Variants in BICRAL observed in about 807,000 individuals in gnomAD.
BICRAL encodes BRD4-interacting chromatin-remodeling complex-associated protein-like.
In BICRAL, 8 loss-of-function variants were observed where a neutral mutation model predicts 91.8. That is an observed-to-expected ratio of 0.09 (90% CI 0.05 to 0.16). BICRAL has a LOEUF of 0.16. Among genes scored for constraint, BICRAL ranks in the 10% least tolerant of loss-of-function variants. BICRAL has a pLI of 1.00. For synonymous variants in BICRAL, 445 were observed against 491.1 expected (o/e 0.91, Z 1.24); for missense variants, 1,038 against 1,310.9 (o/e 0.79, Z 3.21).
intron 6 of BICRAL, among the ~76,000 whole-genome samples, chr6:42,845,916 A>G (rs1764994292): frequency 6.6e-6 from 1 of 151,326 alleles, no homozygotes; most frequent in East Asian, 1.9e-4. Flanking sequence ...ACAAAAAAAA[A>G]AAAAATTAGC....
rs201548355 is a variant in BICRAL, at chr6:42,864,877, G to A, written c.2671G>A (p.Gly891Arg). 6.2e-6 allele frequency: 10 copies of A among 1,614,098 alleles called. No homozygotes were observed. Reference protein sequence around the residue: ...VPNHIVVSAEGNISKKTECLG... With the variant: ...VPNHIVVSAERNISKKTECLG... ...TAATCACATCGTGGTCTCTGCAGAAGGAAACATTTCTAAAAAAACAGAATG... is the reference window on the plus strand; with the variant it reads ...TAATCACATCGTGGTCTCTGCAGAAAGAAACATTTCTAAAAAAACAGAATG... Residue 891 changes from glycine to arginine, a missense_variant, in exon 13 of 13, where the codon GGA (glycine) becomes AGA (arginine). Gly to Arg is a moderately radical substitution (Grantham distance 125, BLOSUM62 -2). Transcript: ENST00000314073.
intron 1 of BICRAL, among the ~76,000 whole-genome samples, chr6:42,771,009 T>C (rs1387507026): frequency 1.3e-5 from 2 of 152,168 alleles, no homozygotes; most frequent in Admixed American, 1.3e-4. Flanking sequence ...GATTGCCTAC[T>C]CTGTCCTCCG....
rs116137904 is a variant in BICRAL, at chr6:42,793,724, G to A, written c.-102+11623G>A. Among the ~76,000 whole-genome samples, 909 of 143,772 alleles carry A rather than the reference G, an allele frequency of 6.3e-3. 10 individuals are homozygous for A. Among genetic ancestry groups the A allele is most frequent in the African/African-American group, 0.022 (878 of 39,232 alleles). The allele number at this position is 143,772 out of a possible 152,430, so 94.3% of individuals were successfully genotyped here. ...CAACATGAAGGTTTACAACTGGGAT[G>A]TTTTTGGCGCTACTTCTATGCGTAG... On this transcript the variant is annotated intron_variant, in intron 1 of 12. Coordinates refer to ENST00000314073, the MANE Select transcript of BICRAL (RefSeq NM_001393499.1).
At chr6:42,758,498 G>T (rs1762493239) in intron 1 of BICRAL, among the ~76,000 whole-genome samples, 1 of 152,196 alleles carries the variant, frequency 6.6e-6, no homozygotes, top group East Asian at 1.9e-4. Flanking sequence ...CACTTTGCCA[G>T]ATGGTGCAGG....
intron 1 of BICRAL, among the ~76,000 whole-genome samples, chr6:42,759,370 CTG>C (rs929097459): frequency 6.6e-6 from 1 of 152,120 alleles, no homozygotes; most frequent in African/African-American, 2.4e-5. Flanking sequence ...TCTGGATGCT[CTG>C]TGTGAAGTGG....
chr6:42,828,559 C>A lies in BICRAL; in HGVS notation c.226C>A (p.Leu76Met). ...NQLGEGPSDG[L>M]PLSSSLQFLE... ...GCTTGGAGAAGGGCCCAGTGATGGA[C>A]TGCCACTTTCAAGTAGCCTCCAGTT... Residue 76 changes from leucine to methionine, a missense_variant, in exon 6 of 13, where the codon CTG (leucine) becomes ATG (methionine). Leu to Met is a conservative substitution (Grantham distance 15, BLOSUM62 2). This residue lies in a region of BICRAL where 115 missense variants were observed against 121.5 expected (regional missense o/e 0.95). Coordinates refer to ENST00000314073, the MANE Select transcript of BICRAL (RefSeq NM_001393499.1). The A allele has an allele frequency of 6.2e-7, 1 of 1,613,916 alleles. No homozygotes were observed. Among genetic ancestry groups the A allele is most frequent in the Non-Finnish European group, 8.5e-7 (1 of 1,179,834 alleles).
chr6:42,759,167 A>G (rs918808952), intron 1 of BICRAL, among the ~76,000 whole-genome samples: 2 of 152,320 alleles, frequency 1.3e-5, no homozygotes, highest in Non-Finnish European at 2.9e-5. Context: ...GAACTGAAGC[A>G]CTTCAAAGCT....
rs748804344 is a variant in BICRAL, at chr6:42,845,195, GTTTTTTTTTTTTTTTTTTTTTTTTTTTTT to G, written c.1840-6872_1840-6844del. Among the ~76,000 whole-genome samples the G allele has an allele frequency of 3.2e-3, 83 of 25,614 alleles. 2 individuals are homozygous for G. Among genetic ancestry groups the G allele is most frequent in the Admixed American group, 8.0e-3 (12 of 1,492 alleles). The allele number at this position is 25,614 out of a possible 152,430, so 16.8% of individuals were successfully genotyped here. A position where few individuals can be genotyped will look rare whatever the true frequency, so the allele number is the denominator to read the frequency against. On this transcript the variant is annotated intron_variant, in intron 6 of 12. Coordinates refer to ENST00000314073, the MANE Select transcript of BICRAL (RefSeq NM_001393499.1). ...CTTCTCTGTTTTTTGTTTTTTGGGTGTTTTTTTTTTTTTTTTTTTTTTTTTTTTTTTTTTTTTTTTTTTTTTTTTTTTTA... is the reference window on the plus strand; with the variant it reads ...CTTCTCTGTTTTTTGTTTTTTGGGTGTTTTTTTTTTTTTTTTTTTTTTTTA...
At chr6:42,833,451 T>C (rs947315365) in intron 6 of BICRAL, among the ~76,000 whole-genome samples, 5 of 152,028 alleles carry the variant, frequency 3.3e-5, no homozygotes, top group African/African-American at 1.2e-4. Flanking sequence ...GTTTTGTTTT[T>C]GTTTGTTTGT....
intron 5 of BICRAL, among the ~76,000 whole-genome samples, chr6:42,825,137 G>A (rs990667462): frequency 6.6e-6 from 1 of 151,618 alleles, no homozygotes; most frequent in African/African-American, 2.4e-5. Context: ...GCGTGTGCCT[G>A]TAATCCCAGC....
chr6:42,767,803 G>A (rs539555626), intron 1 of BICRAL, among the ~76,000 whole-genome samples: 94 of 152,280 alleles, frequency 6.2e-4, no homozygotes, highest in African/African-American at 2.1e-3. Context: ...ACAGGAGGGT[G>A]GGAAAAGTGG....
intron 6 of BICRAL, among the ~76,000 whole-genome samples, chr6:42,841,002 G>A (rs943574039): frequency 6.8e-6 from 1 of 147,408 alleles, no homozygotes; most frequent in East Asian, 2.1e-4. Flanking sequence ...TTTAACCCAG[G>A]AGGCAGAAGT....
intron 6 of BICRAL, among the ~76,000 whole-genome samples, chr6:42,837,967 G>A (rs1764689754): frequency 6.6e-6 from 1 of 152,028 alleles, no homozygotes. Context: ...ACATTGACGT[G>A]GTATCACCAG....
At chr6:42,845,391 C>T (rs1442353998) in intron 6 of BICRAL, among the ~76,000 whole-genome samples, 1 of 151,408 alleles carries the variant, frequency 6.6e-6, no homozygotes, top group Non-Finnish European at 1.5e-5. Flanking sequence ...CCCAGCCTGC[C>T]TTCTCTGTGA....
upstream of BICRAL, among the ~76,000 whole-genome samples, chr6:42,746,768 C>A (rs1161923527): frequency 6.6e-6 from 1 of 152,068 alleles, no homozygotes; most frequent in Non-Finnish European, 1.5e-5. Flanking sequence ...CTCCTGGATC[C>A]CCGCAGGCAG....
At chr6:42,823,881 G>A (rs1301995525) in intron 5 of BICRAL, among the ~76,000 whole-genome samples, 9 of 151,438 alleles carry the variant, frequency 5.9e-5, no homozygotes, top group Non-Finnish European at 4.4e-5. Context: ...CCGAGATCCC[G>A]CCACTGCATT....
chr6:42,844,951 G>C (rs974765394), intron 6 of BICRAL, among the ~76,000 whole-genome samples: 4 of 151,974 alleles, frequency 2.6e-5, no homozygotes, highest in African/African-American at 9.7e-5. Flanking sequence ...TAGCTTTCGT[G>C]GTAGAAAGTT....
At chr6:42,747,390 A>T (rs891465698) in intron 1 of BICRAL, among the ~76,000 whole-genome samples, 6 of 152,118 alleles carry the variant, frequency 3.9e-5, no homozygotes, top group Non-Finnish European at 7.4e-5. Context: ...AAATTGGGGT[A>T]TTTAACGACC....
intron 9 of BICRAL, 94 bp from the exon 10 acceptor site, chr6:42,856,997 T>C (rs1298157793): frequency 2.0e-5 from 21 of 1,056,756 alleles, no homozygotes; most frequent in Non-Finnish European, 2.8e-5. Context: ...GTATTATTCC[T>C]ATATATCTTA....
Sources: gnomAD v4.1 joint callset for allele counts (sites outside exome capture counted in the v4.1 genomes callset) on GRCh38, gnomAD v4.1.1 for gene constraint, gnomAD v4.1.1 regional missense constraint, MANE v1.5 for transcripts, NCBI Gene and HGNC (gene_info 2026-07-23, HGNC 2026-07-21) for gene names.